The following SHANK1 variants were observed in gnomAD, a reference collection of about 807,000 sequenced individuals.
SHANK1 encodes SH3 and multiple ankyrin repeat domains protein 1.
Under a neutral mutation model 165.6 loss-of-function variants are expected in SHANK1, and 35 were observed. That is an observed-to-expected ratio of 0.21 (90% CI 0.16 to 0.28). The LOEUF (loss-of-function observed/expected upper bound fraction) is 0.28. Among genes scored for constraint, SHANK1 ranks in the 10% least tolerant of loss-of-function variants. The pLI is 1.00. For synonymous variants in SHANK1, 1,428 were observed against 1,384.8 expected, an observed-to-expected ratio of 1.03 and a Z score of -0.69; for missense variants, 2,681 against 3,036.4, an observed-to-expected ratio of 0.88 and a Z score of 2.75.
intron 8 of SHANK1, 56 bp downstream of exon 8, chr19:50,711,315 G>T: frequency 1.7e-6 from 2 of 1,209,110 alleles, no homozygotes; most frequent in Non-Finnish European, 1.2e-6. Flanking sequence ...GCTTGGCCCT[G>T]GGGGAGGCGG....
At position 50,716,819 on chromosome 19, in the gene SHANK1, C is replaced by T. The variant is rs768176382; in HGVS notation, c.101G>A (p.Gly34Asp). The change falls in exon 2 of 24, where the codon GGT (glycine) becomes GAT (aspartate). Residue 34 changes from glycine (G) to aspartate (D), a missense_variant. Coordinates refer to ENST00000293441, the MANE Select transcript of SHANK1 (RefSeq NM_016148.5). This position sits in a 1 kb window ranked among gnomAD's most constrained non-coding sequence, Gnocchi z 8.4. ...GCCCCGGGTCCCCCGGGGGCCTCGA[C>T]CTGGCCCGTCTGGGGAGCTGTCGGA... ...SESDSSPDGP[G>D]RGPRGTRGQG... 271 of 1,577,734 alleles carry T rather than the reference C, an allele frequency of 1.7e-4. No individual in the cohort carries two copies. Among genetic ancestry groups the T allele is most frequent in the Non-Finnish European group, 2.2e-4 (259 of 1,165,934 alleles).
Position 50,716,696 on chromosome 19 carries a change from A to G in SHANK1, c.224T>C (p.Phe75Ser). The change falls in exon 2 of 24, where the codon TTC (phenylalanine) becomes TCC (serine). Residue 75 changes from phenylalanine to serine, a missense_variant. Transcript: ENST00000293441. The surrounding 1 kb of genome is among the most constrained non-coding windows in gnomAD (Gnocchi z 8.4). The stretch of plus-strand genomic sequence containing the variant: ...GTGCAGGTCCGGGATGCCAATCCTG[A>G]AGACCATCATGCTGAAGTGGGCGTC... Reference protein sequence around the residue: ...PDDAHFSMMVFRIGIPDLHQT... With the variant: ...PDDAHFSMMVSRIGIPDLHQT... The G allele has an allele frequency of 6.3e-7, 1 of 1,591,714 alleles. No homozygotes were observed. The highest frequency in any genetic ancestry group is 8.5e-7 in the Non-Finnish European group (1 of 1,169,942).
chr19:50,668,600 G>A lies in SHANK1; in HGVS notation c.3360C>T (p.Pro1120=), dbSNP rs3890180. Residue 1120 remains proline, a synonymous_variant, in exon 23 of 24, where the codon CCC becomes CCT. Transcript: ENST00000293441. ...LVKQTKVEGE[P]QKGGGLPPAP... ...CGGGCGGGAGGCCGCCGCCCTTCTG[G>A]GGCTCGCCTTCCACCTTGGTCTGCT... 161,989 of 1,365,304 alleles carry A rather than the reference G, an allele frequency of 0.12. 10,374 individuals carry two copies. Among genetic ancestry groups the A allele is most frequent in the African/African-American group, 0.22 (14,441 of 65,328 alleles). 84.6% of individuals were successfully genotyped at this position (1,365,304 alleles called of 1,614,324 possible).
chr19:50,704,622 C>T, intron 8 of SHANK1, 108 bp from the exon 9 acceptor site: 1 of 985,496 alleles, frequency 1.0e-6, no homozygotes, highest in Non-Finnish European at 1.6e-6. Context: ...AATACTCCAC[C>T]CTAAACCCGC....
intron 8 of SHANK1, among the ~76,000 whole-genome samples, chr19:50,705,959 C>A (rs1464718178): frequency 6.6e-6 from 1 of 152,072 alleles, no homozygotes; most frequent in Non-Finnish European, 1.5e-5. Context: ...GAGTTTGAGA[C>A]CAGCCTGGGC....
In SHANK1 at chr19:50,661,798, G is replaced by T. The variant is rs756454191; in HGVS notation, c.*167C>A. On this transcript the variant is annotated 3_prime_UTR_variant, in exon 24 of 24. Transcript: ENST00000293441. ...CCCCTTCAGTGAGGTGCAAATGTCC[G>T]GCCTGGATTGGGCCACCTGGTGACC... 1 of 678,638 alleles carries T rather than the reference G, an allele frequency of 1.5e-6. No individual in the cohort carries two copies. The highest frequency in any genetic ancestry group is 2.5e-6 in the Non-Finnish European group (1 of 399,692). 42.0% of individuals were successfully genotyped at this position (678,638 alleles called of 1,614,324 possible).
chr19:50,668,895 T>A lies in SHANK1; in HGVS notation c.3065A>T (p.His1022Leu). Reference sequence around the variant, plus strand: ...GCCGCCTGTCTCCATCTCGGGAGGATGAGGGGGGTGGGCGTGGTGGTGGTG... The same window carrying A: ...GCCGCCTGTCTCCATCTCGGGAGGAAGAGGGGGGTGGGCGTGGTGGTGGTG... ...QPHHHHAHPP[H>L]PPEMETGGSP... Residue 1022 changes from histidine (H) to leucine (L), a missense_variant, in exon 23 of 24, where the codon CAT becomes CTT. Around this residue, in one of 10 missense-constraint regions of SHANK1, gnomAD observed 1,713 missense variants for 1,630.2 expected, o/e 1.05. Coordinates refer to ENST00000293441, the MANE Select transcript of SHANK1 (RefSeq NM_016148.5). 1 of 1,094,290 alleles carries A rather than the reference T, an allele frequency of 9.1e-7. No homozygotes were observed. Among genetic ancestry groups the A allele is most frequent in the Non-Finnish European group, 1.1e-6 (1 of 896,124 alleles). The allele number at this position is 1,094,290 out of a possible 1,614,324, so 67.8% of individuals were successfully genotyped here.
In SHANK1 at chr19:50,661,954, C is replaced by G; in HGVS notation, c.*11G>C. On this transcript the variant is annotated 3_prime_UTR_variant, in exon 24 of 24. Coordinates refer to ENST00000293441, the MANE Select transcript of SHANK1 (RefSeq NM_016148.5). ...GTTCTGTGGACGGGGCTGGTCCGTC[C>G]AGGCCAGCCATCACCTCTCCAGGAA... 1 of 1,613,418 alleles carries G rather than the reference C, an allele frequency of 6.2e-7. No individual in the cohort carries two copies. Among genetic ancestry groups the G allele is most frequent in the Non-Finnish European group, 8.5e-7 (1 of 1,179,958 alleles).
chr19:50,703,516 G>A lies in SHANK1; in HGVS notation c.1537C>T (p.Pro513Ser). ...GRHPEDAKRQ[P>S]RGRPSSSGTP... ...CTCCCCTACCTGGGCCGGCCTCGGG[G>A]CTGCCTCTTGGCGTCCTCAGGGTGC... The change falls in exon 11 of 24, where the codon CCC (proline) becomes TCC (serine). Residue 513 changes from proline (P) to serine (S), a missense_variant. Around this residue, in one of 10 missense-constraint regions of SHANK1, gnomAD observed 195 missense variants for 186.2 expected, o/e 1.05. Coordinates refer to ENST00000293441, the MANE Select transcript of SHANK1 (RefSeq NM_016148.5). 6.5e-7 allele frequency: 1 copy of A among 1,542,422 alleles called. No individual in the cohort carries two copies. Among genetic ancestry groups the A allele is most frequent in the Non-Finnish European group, 8.7e-7 (1 of 1,149,960 alleles).
At chr19:50,698,320 C>G (rs755651300) in intron 12 of SHANK1, among the ~76,000 whole-genome samples, 1 of 152,066 alleles carries the variant, frequency 6.6e-6, no homozygotes, top group South Asian at 2.1e-4. Flanking sequence ...ACGGATGGGG[C>G]GACAAGTTCT....
rs1296335323 is a variant in SHANK1 at position 50,661,621 on chromosome 19, C to T, written c.*344G>A. ...TGCGGCCTGGGGGACAGTCCCCATC[C>T]AATCGGGCTCAGGGCTGACCCTCTA... is the stretch of plus-strand genomic sequence containing the variant. On this transcript the variant is annotated 3_prime_UTR_variant, in exon 24 of 24. Coordinates refer to ENST00000293441, the MANE Select transcript of SHANK1 (RefSeq NM_016148.5). 6.6e-6 allele frequency among the ~76,000 whole-genome samples: 1 copy of T among 152,052 alleles called. No individual in the cohort carries two copies.
intron 8 of SHANK1, among the ~76,000 whole-genome samples, chr19:50,705,649 T>C (rs1300762359): frequency 6.6e-6 from 1 of 152,108 alleles, no homozygotes; most frequent in Non-Finnish European, 1.5e-5. Context: ...TCCCCAGTCA[T>C]GACAACCAAA....
chr19:50,704,245 A>T, intron 9 of SHANK1, 59 bp from the exon 10 acceptor site: 1 of 1,559,182 alleles, frequency 6.4e-7, no homozygotes, highest in Non-Finnish European at 8.8e-7. Flanking sequence ...GAGAGAGGGC[A>T]GGGAACGTGG....
rs759903873 is a variant in SHANK1, at chr19:50,687,531, T to A, written c.2389+51A>T. 3.5e-6 allele frequency: 5 copies of A among 1,428,052 alleles called. No individual in the cohort carries two copies. In the South Asian group the frequency reaches 6.5e-5, roughly 19 times the overall value. The allele number at this position is 1,428,052 out of a possible 1,614,324, so 88.5% of individuals were successfully genotyped here. A position where few individuals can be genotyped will look rare whatever the true frequency, so the allele number is the denominator to read the frequency against. ...ACGAACTCAAGGGATGGTCCAGCCC[T>A]CCTTCCCCTCTCCCCCCGGCCCCCT... On this transcript the variant is annotated intron_variant, in intron 19 of 23. Transcript: ENST00000293441.
intron 8 of SHANK1, among the ~76,000 whole-genome samples, chr19:50,710,774 G>C (rs550966114): frequency 5.3e-5 from 8 of 152,338 alleles, no homozygotes; most frequent in African/African-American, 1.9e-4. Flanking sequence ...GGGGCTGCAC[G>C]TTGGCCTTTC....
intron 8 of SHANK1, among the ~76,000 whole-genome samples, chr19:50,705,340 T>A (rs555038639): frequency 6.6e-6 from 1 of 152,214 alleles, no homozygotes; most frequent in African/African-American, 2.4e-5. Flanking sequence ...AGACTCTGTC[T>A]CAAAAAAAAA....
rs369193560 is a variant in SHANK1, at chr19:50,678,413, G to C, written c.2578-6299C>G. On this transcript the variant is annotated intron_variant, in intron 21 of 23. Coordinates refer to ENST00000293441, the MANE Select transcript of SHANK1 (RefSeq NM_016148.5). ...CAAGGGAAACACCTGCATGGGGCAC[G>C]GGGGCAGGTGGTGGGGGCCAGAGGG... 5.9e-5 allele frequency among the ~76,000 whole-genome samples: 9 copies of C among 152,006 alleles called. No homozygotes were observed. In the South Asian group the frequency reaches 1.7e-3, roughly 28 times the overall value.
rs1375320994 is a variant in SHANK1 at position 50,703,647 on chromosome 19, T to G, written c.1406A>C (p.Gln469Pro). The G allele has an allele frequency of 2.0e-6, 3 of 1,528,476 alleles. No individual in the cohort carries two copies. Among genetic ancestry groups the G allele is most frequent in the African/African-American group, 2.7e-5 (2 of 73,258 alleles). 94.7% of individuals were successfully genotyped at this position (1,528,476 alleles called of 1,614,324 possible). ...GGGGGCCGAGGGCTGCGACTGGCCCTGGGACCCTGAGGTAGGGCCAGGGGC... is the reference window on the plus strand; with the variant it reads ...GGGGGCCGAGGGCTGCGACTGGCCCGGGGACCCTGAGGTAGGGCCAGGGGC... Reference protein sequence around the residue: ...SGAPGPTSGSQGQSQPSAPTT... With the variant: ...SGAPGPTSGSPGQSQPSAPTT... The change falls in exon 11 of 24, where the codon CAG becomes CCG. Residue 469 changes from glutamine (Q) to proline (P), a missense_variant. This residue lies in a region of SHANK1 where 195 missense variants were observed against 186.2 expected (regional missense o/e 1.05). Coordinates refer to ENST00000293441, the MANE Select transcript of SHANK1 (RefSeq NM_016148.5).
intron 3 of SHANK1, 73 bp from the exon 4 acceptor site, chr19:50,715,803 T>C: frequency 1.4e-6 from 2 of 1,415,252 alleles, no homozygotes; most frequent in African/African-American, 2.9e-5. Context: ...AGGCTTGGGG[T>C]AGGGGAAGGT....
Sources: gnomAD v4.1 joint callset for allele counts (sites outside exome capture counted in the v4.1 genomes callset) on GRCh38, gnomAD v4.1.1 for gene constraint, gnomAD v4.1.1 regional missense constraint, Gnocchi (gnomAD v3.1) non-coding constraint, MANE v1.5 for transcripts, NCBI Gene and HGNC (gene_info 2026-07-23, HGNC 2026-07-21) for gene names.